NKAIN3: variants seen among roughly 807,000 people sequenced by gnomAD.
The protein encoded by NKAIN3 is sodium/potassium transporting ATPase interacting 3.
Under a neutral mutation model 30.2 loss-of-function variants are expected in NKAIN3, and 25 were observed. The observed-to-expected ratio is 0.83, with a 90% confidence interval of 0.60 to 1.16. The LOEUF is 1.16. Among genes scored for constraint, NKAIN3 ranks in the 50% most tolerant of loss-of-function variants. The pLI is 0.00. For synonymous variants in NKAIN3, 91 were observed against 89.6 expected (o/e 1.02, Z -0.09); for missense variants, 225 against 254.1 (o/e 0.89, Z 0.78).
chr8:62,483,819 C>A, intron 1 of NKAIN3: 1 of 214,960 alleles, frequency 4.7e-6, no homozygotes, highest in African/African-American at 2.4e-5. Flanking sequence ...CTTTCCCTAG[C>A]TGGAACCTAG....
At chr8:62,438,526 G>T (rs1274986070) in intron 1 of NKAIN3, among the ~76,000 whole-genome samples, 2 of 152,006 alleles carry the variant, frequency 1.3e-5, no homozygotes, top group African/African-American at 2.4e-5. Context: ...GCTCCCACTC[G>T]TAAGGGACAT....
chr8:62,378,728 C>T (rs1817176486), intron 1 of NKAIN3, among the ~76,000 whole-genome samples: 1 of 152,184 alleles, frequency 6.6e-6, no homozygotes, highest in African/African-American at 2.4e-5. Context: ...ACCTAGATTT[C>T]AGAGGAGGTA....
intron 1 of NKAIN3, among the ~76,000 whole-genome samples, chr8:62,302,811 A>G (rs1814096057): frequency 7.0e-6 from 1 of 142,080 alleles, no homozygotes; most frequent in South Asian, 2.1e-4. Context: ...TCTGATCATA[A>G]CAAAGTATTA....
rs1430086457 is a variant in NKAIN3, at chr8:62,868,941, G to GA, written c.472-49502dup. Among the ~76,000 whole-genome samples the GA allele has an allele frequency of 4.9e-3, 728 of 147,666 alleles. 6 individuals are homozygous for GA. Among genetic ancestry groups the GA allele is most frequent in the Middle Eastern group, 0.011 (3 of 282 alleles). Reference sequence around the variant, plus strand: ...TCACAGCAGAGACAGGAGAGAAGGGGAAAAAAAAAAGGATTAGATCTTTTC... The same window carrying GA: ...TCACAGCAGAGACAGGAGAGAAGGGGAAAAAAAAAAAGGATTAGATCTTTTC... On this transcript the variant is annotated intron_variant, in intron 4 of 6. Coordinates refer to ENST00000623646, the MANE Select transcript of NKAIN3 (RefSeq NM_001304533.3).
intron 4 of NKAIN3, among the ~76,000 whole-genome samples, chr8:62,897,112 T>C (rs2130831850): frequency 6.6e-6 from 1 of 152,224 alleles, no homozygotes; most frequent in Middle Eastern, 3.4e-3. Flanking sequence ...AGAAAAATCT[T>C]TGAGAGTAAA....
chr8:62,737,768 G>A (rs142610098), intron 3 of NKAIN3, among the ~76,000 whole-genome samples: 1 of 152,234 alleles, frequency 6.6e-6, no homozygotes, highest in African/African-American at 2.4e-5. Flanking sequence ...CTATGGTGTT[G>A]GCTATAGTAT....
At chr8:62,822,204 T>C (rs1818868501) in intron 4 of NKAIN3, among the ~76,000 whole-genome samples, 1 of 152,168 alleles carries the variant, frequency 6.6e-6, no homozygotes, top group African/African-American at 2.4e-5. Flanking sequence ...GCTGATTTTA[T>C]CTTCTTCATG....
intron 1 of NKAIN3, among the ~76,000 whole-genome samples, chr8:62,392,498 A>G (rs1750034710): frequency 6.6e-6 from 1 of 151,972 alleles, no homozygotes; most frequent in South Asian, 2.1e-4. Flanking sequence ...TACTTTGGCT[A>G]TATTTATATT....
chr8:62,800,784 C>T (rs1478820645), intron 4 of NKAIN3, among the ~76,000 whole-genome samples: 3 of 152,192 alleles, frequency 2.0e-5, no homozygotes, highest in East Asian at 1.9e-4. Context: ...AGGTGCAGTG[C>T]ACCATGCGCA....
At chr8:62,255,886 T>C (rs1202601950) in intron 1 of NKAIN3, among the ~76,000 whole-genome samples, 1 of 152,108 alleles carries the variant, frequency 6.6e-6, no homozygotes, top group Non-Finnish European at 1.5e-5. Flanking sequence ...TGGATAGAAA[T>C]ATTTTGGAGA....
intron 4 of NKAIN3, among the ~76,000 whole-genome samples, chr8:62,749,198 A>G (rs1404085414): frequency 6.6e-6 from 1 of 152,188 alleles, no homozygotes; most frequent in South Asian, 2.1e-4. Context: ...CCAGACCTTT[A>G]CAATGCAGCA....
In NKAIN3 at chr8:62,419,054, TCTTA is replaced by T. The variant is rs1466273204; in HGVS notation, c.55-160481_55-160478del. On this transcript the variant is annotated intron_variant, in intron 1 of 6. Coordinates refer to ENST00000623646, the MANE Select transcript of NKAIN3 (RefSeq NM_001304533.3). ...ATTGAGTGGTGGTAAAAGGAGCCAG[TCTTA>T]CTTCTATCTTTTGGTTTCAAGACAC... 2.0e-5 allele frequency among the ~76,000 whole-genome samples: 3 copies of T among 152,122 alleles called. No individual in the cohort carries two copies. In the East Asian group the frequency reaches 5.8e-4, roughly 29 times the overall value.
chr8:62,499,851 TTC>T (rs1370722847), intron 1 of NKAIN3, among the ~76,000 whole-genome samples: 1 of 152,112 alleles, frequency 6.6e-6, no homozygotes, highest in Non-Finnish European at 1.5e-5. Flanking sequence ...TCTTTCCTTC[TTC>T]TCTCTTTCTT....
intron 1 of NKAIN3, among the ~76,000 whole-genome samples, chr8:62,271,078 A>G (rs1011905202): frequency 6.6e-6 from 1 of 152,218 alleles, no homozygotes; most frequent in Admixed American, 6.5e-5. Context: ...TCCAAAATAC[A>G]TTTTAACGTC....
intron 4 of NKAIN3, among the ~76,000 whole-genome samples, chr8:62,853,075 T>C (rs1210310596): frequency 1.3e-5 from 2 of 152,164 alleles, no homozygotes; most frequent in Non-Finnish European, 2.9e-5. Context: ...CCCATTATTA[T>C]TGTATGGGAG....
chr8:62,561,409 C>G (rs1242179900), intron 1 of NKAIN3, among the ~76,000 whole-genome samples: 1 of 152,156 alleles, frequency 6.6e-6, no homozygotes, highest in African/African-American at 2.4e-5. Context: ...TGAGTTTATT[C>G]CTATAAACTT....
chr8:62,453,504 C>G (rs980881679), intron 1 of NKAIN3, among the ~76,000 whole-genome samples: 2 of 151,838 alleles, frequency 1.3e-5, no homozygotes, highest in African/African-American at 4.8e-5. Context: ...CCAGGTCTAA[C>G]AGAAGACAAG....
At chr8:62,494,145 A>T (rs1807159021) in intron 1 of NKAIN3, among the ~76,000 whole-genome samples, 1 of 152,020 alleles carries the variant, frequency 6.6e-6, no homozygotes, top group African/African-American at 2.4e-5. Context: ...ATTCATTATG[A>T]TGCTTGCTGT....
chr8:62,681,168 T>C (rs1813633116), intron 3 of NKAIN3, among the ~76,000 whole-genome samples: 1 of 152,202 alleles, frequency 6.6e-6, no homozygotes, highest in African/African-American at 2.4e-5. Flanking sequence ...AATCTGTACT[T>C]GCTCTGAATA....
Sources: allele counts gnomAD v4.1 joint callset (sites outside exome capture counted in the v4.1 genomes callset), GRCh38; gene constraint gnomAD v4.1.1; transcripts MANE v1.5; gene names NCBI Gene and HGNC (gene_info 2026-07-23, HGNC 2026-07-21).